Variants in C22orf23 observed in about 807,000 individuals in gnomAD.
C22orf23 encodes chromosome 22 open reading frame 23.
A neutral mutation model predicts 29.7 loss-of-function variants in C22orf23; 30 were observed. The ratio of observed to expected loss-of-function variants is 1.01; its 90% CI spans 0.76 to 1.37. The LOEUF (loss-of-function observed/expected upper bound fraction) is 1.37, where lower values mean the gene tolerates loss of function less well. Among genes scored for constraint, C22orf23 ranks in the 40% most tolerant of loss-of-function variants. The pLI, the probability that C22orf23 is intolerant of heterozygous loss-of-function variation, is 0.00. For missense variants in C22orf23, 237 were observed against 273.1 expected (o/e 0.87, Z 0.93); for synonymous variants, 90 against 96.1 (o/e 0.94, Z 0.37).
chr22:37,953,669 T>G, upstream of C22orf23: 11 of 1,262,526 alleles, frequency 8.7e-6, no homozygotes, highest in South Asian at 1.4e-5. Context: ...CGGAAGTGAT[T>G]TCCTCTGGGT....
intron 2 of C22orf23, 62 bp from the exon 3 acceptor site, chr22:37,951,584 C>T: frequency 2.1e-6 from 3 of 1,416,666 alleles, no homozygotes; most frequent in East Asian, 2.3e-5. Context: ...CACCTGACAC[C>T]CTACTGAAAT....
At chr22:37,949,449 ATTTTTTTTTTTTTT>A (rs71195070) in intron 3 of C22orf23, among the ~76,000 whole-genome samples, 1 of 70,928 alleles carries the variant, frequency 1.4e-5, no homozygotes, top group African/African-American at 5.9e-5. Flanking sequence ...CGCCTGGCTA[ATTTTTTTTTTTTTT>A]TTTTTTTTTT....
At chr22:37,944,997 C>CA (rs1930608047) in intron 5 of C22orf23, 45 bp downstream of exon 5, 21 of 1,544,768 alleles carry the variant, frequency 1.4e-5, no homozygotes, top group Non-Finnish European at 1.7e-5. Context: ...GCCCCCTCCT[C>CA]ACATTACCCC....
intron 5 of C22orf23, 199 bp from the exon 6 acceptor site, chr22:37,944,716 T>C: frequency 1.7e-6 from 1 of 574,368 alleles, no homozygotes. Flanking sequence ...CTGACCAACA[T>C]GGTGAAACCC....
At position 37,943,250 on chromosome 22, in the gene C22orf23, T is replaced by G. The variant is rs190383690; in HGVS notation, c.*925A>C. On this transcript the variant is annotated 3_prime_UTR_variant, in exon 7 of 7. Coordinates refer to ENST00000403305, the MANE Select transcript of C22orf23 (RefSeq NM_032561.5). ...CAGATGTGCTGTGTACAGGACAAGGTGTCAGGTGACTCCTTCCCAGCAGGG... is the reference window on the plus strand; with the variant it reads ...CAGATGTGCTGTGTACAGGACAAGGGGTCAGGTGACTCCTTCCCAGCAGGG... The G allele has an allele frequency of 8.5e-5, 13 of 152,066 alleles. No individual in the cohort carries two copies. Among genetic ancestry groups the G allele is most frequent in the Admixed American group, 7.2e-4 (11 of 15,234 alleles). The allele number at this position is 152,066 out of a possible 1,614,324, so 9.4% of individuals were successfully genotyped here.
At chr22:37,949,664 G>A (rs145425114) in intron 3 of C22orf23, among the ~76,000 whole-genome samples, 1,962 of 151,582 alleles carry the variant, frequency 0.013, 16 homozygotes, top group Non-Finnish European at 0.022. Context: ...TCACCATGTT[G>A]GCCAGGGTGG....
intron 2 of C22orf23, chr22:37,952,758 C>T (rs1931136450): frequency 5.8e-6 from 2 of 341,894 alleles, no homozygotes; most frequent in Non-Finnish European, 1.1e-5. Context: ...CTGTTAGGAA[C>T]CGGGCCGCAC....
intron 3 of C22orf23, among the ~76,000 whole-genome samples, chr22:37,949,645 G>T (rs1461754779): frequency 6.6e-6 from 1 of 151,206 alleles, no homozygotes; most frequent in African/African-American, 2.4e-5. Context: ...TTTTAGTAGG[G>T]GTGGAGTTTC....
chr22:37,950,479 C>G (rs930008911), intron 3 of C22orf23, among the ~76,000 whole-genome samples: 2 of 152,034 alleles, frequency 1.3e-5, no homozygotes, highest in African/African-American at 4.8e-5. Context: ...TCCACTCGGT[C>G]GCCCAGGCTG....
chr22:37,952,919 T>G, intron 2 of C22orf23, 128 bp downstream of exon 2: 1 of 704,996 alleles, frequency 1.4e-6, no homozygotes, highest in South Asian at 1.7e-5. Flanking sequence ...AACTAATACC[T>G]GATGATCTGA....
At chr22:37,944,353 G>T (rs1485432615) in intron 6 of C22orf23, 64 bp downstream of exon 6, 1 of 1,613,214 alleles carries the variant, frequency 6.2e-7, no homozygotes, top group African/African-American at 1.3e-5. Flanking sequence ...AGCAGACCCT[G>T]TATTTCCATT....
chr22:37,944,678 A>G, intron 5 of C22orf23, 161 bp from the exon 6 acceptor site: 1 of 624,086 alleles, frequency 1.6e-6, no homozygotes, highest in Non-Finnish European at 2.8e-6. Context: ...AGGCAGGTGG[A>G]TCACGAGGTC....
chr22:37,951,408 A>T, intron 3 of C22orf23, 52 bp downstream of exon 3: 3 of 1,498,374 alleles, frequency 2.0e-6, no homozygotes, highest in Non-Finnish European at 2.8e-6. Flanking sequence ...AAGCATTAAA[A>T]GTGTGGCCCC....
chr22:37,945,618 A>G (rs984773180), intron 4 of C22orf23, among the ~76,000 whole-genome samples: 7 of 149,978 alleles, frequency 4.7e-5, no homozygotes, highest in African/African-American at 1.7e-4. Context: ...CCTCCCGAGT[A>G]GCTGGGACTA....
intron 3 of C22orf23, among the ~76,000 whole-genome samples, chr22:37,950,674 A>G (rs1021893479): frequency 6.6e-6 from 1 of 151,854 alleles, no homozygotes; most frequent in African/African-American, 2.4e-5. Context: ...TGGGAGGCCG[A>G]GGCGGGCAGA....
chr22:37,947,785 A>G (rs995268991), intron 3 of C22orf23, among the ~76,000 whole-genome samples: 6 of 149,274 alleles, frequency 4.0e-5, no homozygotes, highest in East Asian at 2.1e-4. Context: ...GATTATAGGC[A>G]TGAGCTATTG....
chr22:37,950,375 G>T (rs1447632454), intron 3 of C22orf23, among the ~76,000 whole-genome samples: 1 of 151,940 alleles, frequency 6.6e-6, no homozygotes, highest in Non-Finnish European at 1.5e-5. Flanking sequence ...GCCTCCCAAA[G>T]TGCTGGGATT....
intron 3 of C22orf23, among the ~76,000 whole-genome samples, chr22:37,949,200 C>T (rs1318710821): frequency 6.6e-6 from 1 of 151,986 alleles, no homozygotes; most frequent in Non-Finnish European, 1.5e-5. Context: ...CTCCCCCAGG[C>T]GATCCAAGTG....
chr22:37,944,950 C>T (rs1930606100), intron 5 of C22orf23, 92 bp downstream of exon 5: 3 of 1,310,272 alleles, frequency 2.3e-6, no homozygotes, highest in Non-Finnish European at 3.1e-6. Flanking sequence ...TGGCCCTTGG[C>T]CCTCAGGGAT....
Sources: allele counts gnomAD v4.1 joint callset (sites outside exome capture counted in the v4.1 genomes callset), GRCh38; gene constraint gnomAD v4.1.1; transcripts MANE v1.5; gene names NCBI Gene and HGNC (gene_info 2026-07-23, HGNC 2026-07-21).